The following ARHGAP10 variants were observed in gnomAD, a reference collection of about 807,000 sequenced individuals.
ARHGAP10 encodes Rho GTPase activating protein 10.
Under a neutral mutation model 108.6 loss-of-function variants are expected in ARHGAP10, and 87 were observed. That is an observed-to-expected ratio of 0.80 (90% confidence interval 0.67 to 0.96). The LOEUF (loss-of-function observed/expected upper bound fraction) is 0.96, where lower values mean the gene tolerates loss of function less well. ARHGAP10 is among the 40% of genes least tolerant of loss of function. The pLI, the probability that ARHGAP10 is intolerant of heterozygous loss-of-function variation, is 0.00. For missense variants in ARHGAP10, 939 were observed against 954.5 expected, an observed-to-expected ratio of 0.98 and a Z score of 0.21; for synonymous variants, 347 against 341.1, an observed-to-expected ratio of 1.02 and a Z score of -0.19.
At chr4:147,835,574 A>G (rs1579098247) in intron 3 of ARHGAP10, among the ~76,000 whole-genome samples, 2 of 152,254 alleles carry the variant, frequency 1.3e-5, no homozygotes, top group East Asian at 1.9e-4. Flanking sequence ...GGGTTTCACC[A>G]TGTTGGCCAG....
intron 1 of ARHGAP10, among the ~76,000 whole-genome samples, chr4:147,768,463 T>G (rs555882322): frequency 1.7e-4 from 26 of 152,246 alleles, no homozygotes; most frequent in Non-Finnish European, 2.2e-4. Context: ...TAACGTAACT[T>G]GCCAAATTCC....
chr4:147,907,353 G>A (rs1365349724), intron 11 of ARHGAP10, among the ~76,000 whole-genome samples: 5 of 152,120 alleles, frequency 3.3e-5, no homozygotes, highest in Admixed American at 2.0e-4. Context: ...TCATGTATTG[G>A]GGATTTAGTG....
chr4:147,986,893 G>A (rs1293584945), intron 18 of ARHGAP10, among the ~76,000 whole-genome samples: 1 of 152,180 alleles, frequency 6.6e-6, no homozygotes, highest in African/African-American at 2.4e-5. Context: ...GCCTGGCTTT[G>A]GAGGTGGATT....
chr4:147,839,118 A>C (rs139844890), intron 3 of ARHGAP10, among the ~76,000 whole-genome samples: 1 of 146,896 alleles, frequency 6.8e-6, no homozygotes, highest in Admixed American at 6.9e-5. Flanking sequence ...CTATCTATCT[A>C]TCTATCTATC....
chr4:147,992,714 C>T (rs2149637304), intron 18 of ARHGAP10, among the ~76,000 whole-genome samples: 1 of 152,254 alleles, frequency 6.6e-6, no homozygotes, highest in South Asian at 2.1e-4. Context: ...CCGAAAAAGC[C>T]TTTTAATAAA....
chr4:147,882,010 A>G, intron 10 of ARHGAP10, 78 bp downstream of exon 10: 1 of 1,329,688 alleles, frequency 7.5e-7, no homozygotes, highest in South Asian at 1.2e-5. Flanking sequence ...GTTAGTTGCA[A>G]CTGTGATTTC....
chr4:147,777,744 GT>G (rs1241804997), intron 1 of ARHGAP10, among the ~76,000 whole-genome samples: 12 of 152,178 alleles, frequency 7.9e-5, no homozygotes, highest in Admixed American at 7.9e-4. Context: ...TCTCTAAGTA[GT>G]AAAAGGTGAA....
chr4:147,965,026 A>G lies in ARHGAP10; in HGVS notation c.1453A>G (p.Ser485Gly), dbSNP rs541402440. Residue 485 changes from serine to glycine, a missense_variant and splice_region_variant, in exon 17 of 23, where the codon AGC (serine) becomes GGC (glycine). Transcript: ENST00000336498. ...LHGDFIVPAKSGSPESRVNAI... is the reference protein window; with the variant it reads ...LHGDFIVPAKGGSPESRVNAI... ...TATTATTATTTTTTTTTTGGAAGAA[A>G]GCGGCAGCCCAGAATCTCGTGTTAA... 7 of 1,532,464 alleles carry G rather than the reference A, an allele frequency of 4.6e-6. No individual in the cohort carries two copies. In the South Asian group the frequency reaches 6.7e-5, roughly 15 times the overall value. 94.9% of individuals were successfully genotyped at this position (1,532,464 alleles called of 1,614,324 possible).
chr4:147,856,599 G>A (rs1453157900), intron 4 of ARHGAP10, among the ~76,000 whole-genome samples: 1 of 152,156 alleles, frequency 6.6e-6, no homozygotes, highest in Non-Finnish European at 1.5e-5. Context: ...TTTAGGCTAT[G>A]TGTGATAGGT....
intron 3 of ARHGAP10, among the ~76,000 whole-genome samples, chr4:147,841,509 T>C (rs1456321384): frequency 1.3e-5 from 2 of 152,186 alleles, no homozygotes; most frequent in Admixed American, 1.3e-4. Flanking sequence ...TTGGTATTCA[T>C]TTGTTGCTGG....
At chr4:147,986,164 A>G (rs961106648) in intron 18 of ARHGAP10, among the ~76,000 whole-genome samples, 5 of 152,156 alleles carry the variant, frequency 3.3e-5, no homozygotes, top group African/African-American at 1.2e-4. Context: ...GTTTAACCTC[A>G]TTATCAGTTT....
chr4:147,753,491 G>A (rs1264224028), intron 1 of ARHGAP10, among the ~76,000 whole-genome samples: 1 of 150,464 alleles, frequency 6.6e-6, no homozygotes, highest in East Asian at 1.9e-4. Context: ...CTATAGGTGT[G>A]CACCACCGTA....
chr4:147,773,601 T>C (rs1228829385), intron 1 of ARHGAP10, among the ~76,000 whole-genome samples: 2 of 152,230 alleles, frequency 1.3e-5, no homozygotes, highest in Non-Finnish European at 2.9e-5. Context: ...ATATGTGATT[T>C]TCATTGTTGC....
At chr4:147,997,182 A>T (rs1339802924) in intron 18 of ARHGAP10, among the ~76,000 whole-genome samples, 1 of 152,386 alleles carries the variant, frequency 6.6e-6, no homozygotes, top group East Asian at 1.9e-4. Flanking sequence ...GTCCACTTAA[A>T]ATATTTGTGT....
At chr4:147,732,548 G>A in intron 1 of ARHGAP10, 93 bp downstream of exon 1, 1 of 1,525,160 alleles carries the variant, frequency 6.6e-7, no homozygotes, top group South Asian at 1.2e-5. Flanking sequence ...TGTGTCCGGG[G>A]CCAGCAGCCA....
intron 10 of ARHGAP10, among the ~76,000 whole-genome samples, chr4:147,886,502 CT>C (rs1735570190): frequency 6.6e-6 from 1 of 152,222 alleles, no homozygotes; most frequent in African/African-American, 2.4e-5. Flanking sequence ...GCCCTACAGT[CT>C]GTTGTTCGTC....
intron 1 of ARHGAP10, among the ~76,000 whole-genome samples, chr4:147,791,979 T>C (rs1413039924): frequency 6.6e-6 from 1 of 152,240 alleles, no homozygotes; most frequent in Non-Finnish European, 1.5e-5. Flanking sequence ...TGAACATTCT[T>C]ATACATGTCT....
chr4:147,920,136 G>T (rs1421803557), intron 13 of ARHGAP10, among the ~76,000 whole-genome samples: 17 of 151,716 alleles, frequency 1.1e-4, no homozygotes, highest in Admixed American at 2.0e-4. Context: ...ACATAACCTC[G>T]CTGGGCACAG....
At chr4:148,064,569 T>C (rs3775327) in intron 22 of ARHGAP10, 62 bp downstream of exon 22, 1,088,499 of 1,458,460 alleles carry the variant, frequency 0.75, 407,323 homozygotes, top group East Asian at 0.84. Context: ...GTCTGCAGCA[T>C]GGAGTGAGCA....
Sources: gnomAD v4.1 joint callset for allele counts (sites outside exome capture counted in the v4.1 genomes callset) on GRCh38, gnomAD v4.1.1 for gene constraint, MANE v1.5 for transcripts, NCBI Gene and HGNC (gene_info 2026-07-23, HGNC 2026-07-21) for gene names.